Variants in SPTBN5 observed in about 807,000 individuals in gnomAD.
SPTBN5 encodes the protein spectrin beta, non-erythrocytic 5, also known as spectrin beta chain, non-erythrocytic 5.
In SPTBN5, 513 loss-of-function variants were observed where a neutral mutation model predicts 477.6. The observed-to-expected ratio is 1.07, with a 90% CI of 1.00 to 1.16. The LOEUF (loss-of-function observed/expected upper bound fraction) is 1.16, where lower values mean the gene tolerates loss of function less well. Among genes scored for constraint, SPTBN5 ranks in the 50% most tolerant of loss-of-function variants. SPTBN5 has a pLI of 0.00. For missense variants in SPTBN5, 5,062 were observed against 4,731.8 expected (o/e 1.07, Z -2.05); for synonymous variants, 2,169 against 2,011.7 (o/e 1.08, Z -2.09).
At chr15:41,884,998 C>A (rs1266318949) in intron 7 of SPTBN5, among the ~76,000 whole-genome samples, 1 of 152,146 alleles carries the variant, frequency 6.6e-6, no homozygotes, top group Non-Finnish European at 1.5e-5. Context: ...AAACTTAGCA[C>A]CTCATATTCA....
chr15:41,876,806 C>G lies in SPTBN5; in HGVS notation c.3851+3G>C, dbSNP rs1322029264. 6.2e-7 allele frequency: 1 copy of G among 1,609,976 alleles called. No individual in the cohort carries two copies. Among genetic ancestry groups the G allele is most frequent in the Admixed American group, 1.7e-5 (1 of 60,006 alleles). On this transcript the variant is annotated splice_donor_region_variant and intron_variant, in intron 19 of 67. Transcript: ENST00000320955. ...AGGTGCTGCAGACTGAGGCCAGGCT[C>G]ACGTGTGTGCAGCTGGGTGCTGGCT...
In SPTBN5 at chr15:41,862,882, C is replaced by A; in HGVS notation, c.7171G>T (p.Asp2391Tyr). Residue 2391 changes from aspartate (D) to tyrosine (Y), a missense_variant, in exon 42 of 68, where the codon GAC becomes TAC. Coordinates refer to ENST00000320955, the MANE Select transcript of SPTBN5 (RefSeq NM_016642.4). ...ACGCTCTCCAGATCTTTCCCACAGTCCAGGGCCTGGATCAGGGCTTCCTGG... is the reference window on the plus strand; with the variant it reads ...ACGCTCTCCAGATCTTTCCCACAGTACAGGGCCTGGATCAGGGCTTCCTGG... ...QEKEALIQAL[D>Y]CGKDLESVQR... 6.3e-7 allele frequency: 1 copy of A among 1,584,584 alleles called. No individual in the cohort carries two copies. Among genetic ancestry groups the A allele is most frequent in the Non-Finnish European group, 8.6e-7 (1 of 1,166,052 alleles).
chr15:41,857,234 C>G lies in SPTBN5; in HGVS notation c.8621+4G>C. The G allele has an allele frequency of 6.3e-7, 1 of 1,583,146 alleles. No individual in the cohort carries two copies. The highest frequency in any genetic ancestry group is 8.6e-7 in the Non-Finnish European group (1 of 1,162,868). On this transcript the variant is annotated splice_donor_region_variant and intron_variant, in intron 51 of 67. Coordinates refer to ENST00000320955, the MANE Select transcript of SPTBN5 (RefSeq NM_016642.4). Reference sequence around the variant, plus strand: ...AGAGAAGCTGAGGGCACGGGTGGATCTACCTCTGAAGCAGCCGCCGGGCCT... The same window carrying G: ...AGAGAAGCTGAGGGCACGGGTGGATGTACCTCTGAAGCAGCCGCCGGGCCT...
At chr15:41,863,326 A>G (rs1054097709) in intron 41 of SPTBN5, among the ~76,000 whole-genome samples, 37 of 152,200 alleles carry the variant, frequency 2.4e-4, no homozygotes, top group African/African-American at 8.9e-4. Flanking sequence ...GCCAGATTCC[A>G]GCCCGGGGCT....
intron 49 of SPTBN5, among the ~76,000 whole-genome samples, chr15:41,858,184 G>C (rs1567189443): frequency 6.6e-6 from 1 of 152,202 alleles, no homozygotes; most frequent in Non-Finnish European, 1.5e-5. Context: ...TGTGATCCCA[G>C]CTACTTGGGA....
chr15:41,879,423 G>T lies in SPTBN5; in HGVS notation c.3019C>A (p.Gln1007Lys). ...TGGACCTGTGTGGGTCCACACTCCT[G>T]CAGAAAACTGCACACTTCCACACTG... Reference protein sequence around the residue: ...AHSVEVCSFLQECGPTQVQLR... With the variant: ...AHSVEVCSFLKECGPTQVQLR... The change falls in exon 16 of 68, where the codon CAG becomes AAG. Residue 1007 changes from glutamine (Q) to lysine (K), a missense_variant. Transcript: ENST00000320955. 6.2e-7 allele frequency: 1 copy of T among 1,609,516 alleles called. No individual in the cohort carries two copies.
At chr15:41,882,558 C>CGCG (rs1273441866) in intron 10 of SPTBN5, 27 bp downstream of exon 10, 1 of 1,583,956 alleles carries the variant, frequency 6.3e-7, no homozygotes, top group Admixed American at 1.8e-5. Context: ...CGCTGGCGAC[C>CGCG]GGCGGGCGCG....
In SPTBN5 at chr15:41,854,123, A is replaced by G. The variant is rs902279218; in HGVS notation, c.9701T>C (p.Leu3234Pro). The G allele has an allele frequency of 1.1e-5, 18 of 1,590,520 alleles. No homozygotes were observed. The Admixed American group carries it at 2.3e-4, about 20-fold the overall frequency. ...GTGGCCTCCGTCCTCCCCCTTCATC[A>G]GGGCCGTCTTCTCCTGCATCCTTCC... ...LQGRMQEKTA[L>P]MKGEDGGHSL... Residue 3234 changes from leucine to proline, a missense_variant, in exon 57 of 68, where the codon CTG (leucine) becomes CCG (proline). Leu to Pro is a moderately conservative substitution (Grantham distance 98). Coordinates refer to ENST00000320955, the MANE Select transcript of SPTBN5 (RefSeq NM_016642.4).
At chr15:41,857,745 C>G in intron 49 of SPTBN5, 35 bp from the exon 50 acceptor site, 2 of 1,534,352 alleles carry the variant, frequency 1.3e-6, no homozygotes, top group African/African-American at 1.4e-5. Flanking sequence ...CTTGTGGACT[C>G]AGGACTGCTG....
Position 41,869,771 on chromosome 15 carries a change from G to A in SPTBN5, c.5853+70C>T, listed in dbSNP as rs982222518. On this transcript the variant is annotated intron_variant, in intron 32 of 67. Transcript: ENST00000320955. ...CCTCCGGAGCTGGAGGGCCTCATGC[G>A]TGCATGCCCATGCATGGTGCAGCAC... 3.6e-6 allele frequency: 5 copies of A among 1,383,740 alleles called. No homozygotes were observed. In the South Asian group the frequency reaches 4.9e-5, roughly 14 times the overall value. 85.7% of individuals were successfully genotyped at this position (1,383,740 alleles called of 1,614,324 possible).
At chr15:41,868,272 G>A in intron 33 of SPTBN5, 54 bp from the exon 34 acceptor site, 1 of 1,569,256 alleles carries the variant, frequency 6.4e-7, no homozygotes, top group African/African-American at 1.3e-5. Context: ...TGGGTGAGGT[G>A]AGGACTGGAT....
At chr15:41,872,864 G>C (rs2066594113) in intron 26 of SPTBN5, among the ~76,000 whole-genome samples, 1 of 152,172 alleles carries the variant, frequency 6.6e-6, no homozygotes, top group Admixed American at 6.5e-5. Flanking sequence ...CAGGCCTTTA[G>C]AAAGACCTTC....
intron 63 of SPTBN5, 77 bp from the exon 64 acceptor site, chr15:41,851,446 G>A (rs889191269): frequency 6.5e-6 from 7 of 1,070,870 alleles, no homozygotes; most frequent in African/African-American, 1.6e-5. Context: ...GCCTCACCAT[G>A]TGTGTGGAGC....
At chr15:41,873,438 C>T (rs972493449) in intron 26 of SPTBN5, 54 bp downstream of exon 26, 1 of 1,342,388 alleles carries the variant, frequency 7.4e-7, no homozygotes, top group African/African-American at 1.4e-5. Context: ...AGCCCTCTCC[C>T]CGTGGTCCAT....
intron 36 of SPTBN5, 85 bp from the exon 37 acceptor site, chr15:41,866,578 G>A (rs989468471): frequency 9.3e-6 from 13 of 1,402,112 alleles, no homozygotes; most frequent in South Asian, 3.4e-5. Context: ...CCATTCCCAG[G>A]AGGCTGGCCT....
rs567014075 is a variant in SPTBN5 at position 41,887,985 on chromosome 15, T to C, written c.602A>G (p.Asp201Gly). The change falls in exon 5 of 68, where the codon GAT (aspartate) becomes GGT (glycine). Residue 201 changes from aspartate (D) to glycine (G), a missense_variant. By Grantham distance (94) the Asp-to-Gly change is moderately conservative (BLOSUM62 -1). Transcript: ENST00000320955. ...TASYTNVNIT[D>G]FSRSWSDGLG... Reference sequence around the variant, plus strand: ...CCCATCGCTCCAGCTTCGGGAGAAATCTGTAATGTTCACGTTGGTGTAGCT... The same window carrying C: ...CCCATCGCTCCAGCTTCGGGAGAAACCTGTAATGTTCACGTTGGTGTAGCT... The C allele has an allele frequency of 6.2e-7, 1 of 1,605,876 alleles. No homozygotes were observed. Among genetic ancestry groups the C allele is most frequent in the East Asian group, 2.2e-5 (1 of 44,644 alleles).
At chr15:41,860,451 G>A (rs563462263) in intron 47 of SPTBN5, 135 bp downstream of exon 47, 38 of 985,792 alleles carry the variant, frequency 3.9e-5, no homozygotes, top group Admixed American at 3.8e-4. Flanking sequence ...GGGGACCCCC[G>A]GCATCTGACC....
chr15:41,862,966 AG>A, intron 41 of SPTBN5, 63 bp from the exon 42 acceptor site: 1 of 1,462,852 alleles, frequency 6.8e-7, no homozygotes, highest in Non-Finnish European at 9.3e-7. Context: ...TTCCTGGCAA[AG>A]GGCCCAACCA....
At chr15:41,875,739 C>T (rs184659593) in intron 21 of SPTBN5, 117 bp from the exon 22 acceptor site, 186 of 1,092,954 alleles carry the variant, frequency 1.7e-4, no homozygotes, top group African/African-American at 1.6e-3. Flanking sequence ...CTGCACTCCA[C>T]GGGCTGCCTG....
Sources: gnomAD v4.1 joint callset for allele counts (sites outside exome capture counted in the v4.1 genomes callset) on GRCh38, gnomAD v4.1.1 for gene constraint, MANE v1.5 for transcripts, NCBI Gene and HGNC (gene_info 2026-07-23, HGNC 2026-07-21) for gene names.